SLC10A7: variants seen among roughly 807,000 people sequenced by gnomAD.
SLC10A7 encodes the protein sodium/bile acid cotransporter 7.
A neutral mutation model predicts 43.2 loss-of-function variants in SLC10A7; 29 were observed. The observed-to-expected ratio is 0.67, with a 90% CI of 0.50 to 0.92. The LOEUF (loss-of-function observed/expected upper bound fraction) is 0.92, where lower values mean the gene tolerates loss of function less well. Ranked by LOEUF, SLC10A7 falls within the 40% of genes least tolerant of loss-of-function variation. SLC10A7 has a pLI of 0.00. For synonymous variants in SLC10A7, 152 were observed against 144.8 expected, an observed-to-expected ratio of 1.05 and a Z score of -0.35; for missense variants, 295 against 403.2, an observed-to-expected ratio of 0.73 and a Z score of 2.30.
chr4:146,280,437 G>A (rs936572151), intron 10 of SLC10A7, among the ~76,000 whole-genome samples: 4 of 152,138 alleles, frequency 2.6e-5, no homozygotes, highest in African/African-American at 7.2e-5. Flanking sequence ...GGCTGTGTGT[G>A]TATGGGATCA....
intron 5 of SLC10A7, among the ~76,000 whole-genome samples, chr4:146,387,096 T>A (rs1488064551): frequency 3.9e-5 from 6 of 152,298 alleles, no homozygotes; most frequent in African/African-American, 1.4e-4. Context: ...GTGAAAGTAT[T>A]TGGAGGTGGG....
At chr4:146,385,852 T>C (rs1276401693) in intron 5 of SLC10A7, among the ~76,000 whole-genome samples, 1 of 152,188 alleles carries the variant, frequency 6.6e-6, no homozygotes, top group African/African-American at 2.4e-5. Context: ...ACATGCAGTA[T>C]TTGGTTTTCT....
At chr4:146,514,770 A>G (rs897981865) in intron 2 of SLC10A7, 3 of 206,384 alleles carry the variant, frequency 1.5e-5, no homozygotes, top group East Asian at 2.3e-4. Flanking sequence ...ATTACTAACT[A>G]GTAAACAAAT....
At chr4:146,399,243 G>A (rs1043498845) in intron 5 of SLC10A7, among the ~76,000 whole-genome samples, 4 of 152,168 alleles carry the variant, frequency 2.6e-5, no homozygotes. Flanking sequence ...CTTTGCTGCT[G>A]TGGTGAGCTG....
chr4:146,442,132 A>G, intron 5 of SLC10A7: 2 of 970,358 alleles, frequency 2.1e-6, no homozygotes, highest in Non-Finnish European at 2.4e-6. Flanking sequence ...TCATAACACA[A>G]ATCAAGCCTC....
chr4:146,272,352 C>A (rs767059335), intron 10 of SLC10A7, among the ~76,000 whole-genome samples: 1 of 152,076 alleles, frequency 6.6e-6, no homozygotes, highest in Non-Finnish European at 1.5e-5. Flanking sequence ...TTTTATATCT[C>A]CTCCTGCCCC....
intron 5 of SLC10A7, among the ~76,000 whole-genome samples, chr4:146,354,575 C>A (rs376548295): frequency 6.8e-6 from 1 of 147,166 alleles, no homozygotes; most frequent in African/African-American, 2.5e-5. Flanking sequence ...GAGCCCGCAT[C>A]GCCAAGTCAA....
At chr4:146,498,156 C>T (rs1414552025) in intron 4 of SLC10A7, among the ~76,000 whole-genome samples, 13 of 150,716 alleles carry the variant, frequency 8.6e-5, no homozygotes, top group Non-Finnish European at 7.4e-5. Flanking sequence ...CTCGCTCTGT[C>T]GCCCAGGCTG....
At chr4:146,486,700 T>C (rs1165445925) in intron 4 of SLC10A7, among the ~76,000 whole-genome samples, 1 of 152,206 alleles carries the variant, frequency 6.6e-6, no homozygotes, top group South Asian at 2.1e-4. Flanking sequence ...TCTTTTATGT[T>C]TGAGGTGTAC....
chr4:146,323,841 A>G (rs1431030886), intron 6 of SLC10A7, among the ~76,000 whole-genome samples: 4 of 152,244 alleles, frequency 2.6e-5, no homozygotes, highest in East Asian at 3.9e-4. Context: ...GGCAGGAGAA[A>G]GAAATAAAGG....
At chr4:146,406,081 A>G (rs2149823620) in intron 5 of SLC10A7, among the ~76,000 whole-genome samples, 1 of 152,324 alleles carries the variant, frequency 6.6e-6, no homozygotes, top group Non-Finnish European at 1.5e-5. Context: ...CTTCTCTTAA[A>G]GTAACTTATA....
Position 146,521,737 on chromosome 4 carries a change from T to G in SLC10A7, c.-20A>C, listed in dbSNP as rs1187158210. 1.2e-6 allele frequency: 2 copies of G among 1,600,196 alleles called. No individual in the cohort carries two copies. Among genetic ancestry groups the G allele is most frequent in the Non-Finnish European group, 1.7e-6 (2 of 1,167,954 alleles). ...CCTCATATTTGTTAGGGTGGGTGGG[T>G]TTTGTTTATTTGTTTGGCTTTTTTT... On this transcript the variant is annotated 5_prime_UTR_variant, in exon 1 of 12. Coordinates refer to ENST00000335472, the MANE Select transcript of SLC10A7 (RefSeq NM_001029998.6).
At chr4:146,447,619 G>A (rs1731212802) in intron 4 of SLC10A7, among the ~76,000 whole-genome samples, 1 of 151,422 alleles carries the variant, frequency 6.6e-6, no homozygotes, top group Non-Finnish European at 1.5e-5. Flanking sequence ...TTAGCAAAAT[G>A]TATACCTTGG....
chr4:146,315,529 A>G (rs1484800497), intron 6 of SLC10A7, among the ~76,000 whole-genome samples: 1 of 152,186 alleles, frequency 6.6e-6, no homozygotes, highest in Non-Finnish European at 1.5e-5. Context: ...CTACCTTTTC[A>G]TTCTCCTCAA....
chr4:146,357,599 T>C (rs571203362), intron 5 of SLC10A7, among the ~76,000 whole-genome samples: 1 of 152,332 alleles, frequency 6.6e-6, no homozygotes, highest in South Asian at 2.1e-4. Flanking sequence ...TTTGAAGCAA[T>C]ACGTGAAAGG....
At chr4:146,496,385 C>T (rs759157130) in intron 4 of SLC10A7, among the ~76,000 whole-genome samples, 1 of 152,150 alleles carries the variant, frequency 6.6e-6, no homozygotes, top group African/African-American at 2.4e-5. Flanking sequence ...TCTCCCTAAC[C>T]TTCTCCTACC....
chr4:146,374,641 C>CACAG (rs1737045574), intron 5 of SLC10A7, among the ~76,000 whole-genome samples: 3 of 142,790 alleles, frequency 2.1e-5, no homozygotes, highest in African/African-American at 7.9e-5. Context: ...CACACACACA[C>CACAG]ACACACACAC....
At position 146,269,173 on chromosome 4, in the gene SLC10A7, G is replaced by C. The variant is rs1728746091; in HGVS notation, c.848-10336C>G. 2.0e-5 allele frequency among the ~76,000 whole-genome samples: 3 copies of C among 152,206 alleles called. 1 individual carries two copies. Among genetic ancestry groups the C allele is most frequent in the Admixed American group, 2.0e-4 (3 of 15,272 alleles). On this transcript the variant is annotated intron_variant, in intron 10 of 11. Coordinates refer to ENST00000335472, the MANE Select transcript of SLC10A7 (RefSeq NM_001029998.6). ...CTGGTGTTGCTTCTGTTTTGAAACA[G>C]GTATGTTGTGATTGGAAAAGATGTT...
At chr4:146,283,335 T>C (rs757091879) in intron 9 of SLC10A7, 70 bp from the exon 10 acceptor site, 5 of 1,166,554 alleles carry the variant, frequency 4.3e-6, no homozygotes, top group Non-Finnish European at 5.1e-6. Context: ...AAATCAAATG[T>C]AGTACCTACC....
Sources: allele counts gnomAD v4.1 joint callset (sites outside exome capture counted in the v4.1 genomes callset), GRCh38; gene constraint gnomAD v4.1.1; transcripts MANE v1.5; gene names NCBI Gene and HGNC (gene_info 2026-07-23, HGNC 2026-07-21).